Variants in AGBL1 observed in about 807,000 individuals in gnomAD.
The protein encoded by AGBL1 is AGBL carboxypeptidase 1, also known as cytosolic carboxypeptidase 4.
In AGBL1, 130 loss-of-function variants were observed where a neutral mutation model predicts 118.9. The observed-to-expected ratio is 1.09, with a 90% confidence interval of 0.95 to 1.26. AGBL1 has a LOEUF of 1.26. AGBL1 is among the 50% of genes most tolerant of loss of function. The pLI is 0.00. For synonymous variants in AGBL1, 555 were observed against 478.9 expected, an observed-to-expected ratio of 1.16 and a Z score of -2.08; for missense variants, 1,584 against 1,298.1, an observed-to-expected ratio of 1.22 and a Z score of -3.38.
In AGBL1 at chr15:86,615,875, G is replaced by C. The variant is rs1474304413; in HGVS notation, c.2995-58398G>C. On this transcript the variant is annotated intron_variant, in intron 21 of 22. Transcript: ENST00000614907. This position sits in a 1 kb window ranked among gnomAD's most constrained non-coding sequence, Gnocchi z 4.3. ...TTAATTAATAGGGATGACAGTGTTG[G>C]GGTTATACATACATTGATAGGGGGC... Among the ~76,000 whole-genome samples the C allele has an allele frequency of 6.6e-6, 1 of 151,982 alleles. No homozygotes were observed. Among genetic ancestry groups the C allele is most frequent in the Non-Finnish European group, 1.5e-5 (1 of 68,008 alleles).
chr15:86,963,153 A>C (rs530556992), intron 23 of AGBL1, among the ~76,000 whole-genome samples: 1 of 152,174 alleles, frequency 6.6e-6, no homozygotes, highest in East Asian at 1.9e-4. Flanking sequence ...ATTAGGAAAT[A>C]AGGAGAATGA....
chr15:86,180,747 G>A (rs967846403), intron 5 of AGBL1, among the ~76,000 whole-genome samples: 2 of 151,744 alleles, frequency 1.3e-5, no homozygotes, highest in African/African-American at 4.8e-5. Flanking sequence ...CTACACACTG[G>A]GAGACAATAT....
chr15:86,723,080 G>A (rs1416815605), intron 22 of AGBL1, among the ~76,000 whole-genome samples: 1 of 152,208 alleles, frequency 6.6e-6, no homozygotes. Context: ...TTCAACCATT[G>A]TGGAAGTCAG....
intron 23 of AGBL1, among the ~76,000 whole-genome samples, chr15:86,926,620 A>C (rs946787103): frequency 6.6e-6 from 1 of 152,256 alleles, no homozygotes; most frequent in African/African-American, 2.4e-5. Context: ...GACTGGATGG[A>C]GACTTAACAA....
At chr15:86,234,094 G>T (rs1276389659) in intron 6 of AGBL1, among the ~76,000 whole-genome samples, 2 of 152,146 alleles carry the variant, frequency 1.3e-5, no homozygotes, top group African/African-American at 4.8e-5. Context: ...ATCCTGTCAA[G>T]ACTTAGTTCT....
intron 21 of AGBL1, among the ~76,000 whole-genome samples, chr15:86,606,183 G>A (rs2084575386): frequency 6.7e-6 from 1 of 148,418 alleles, no homozygotes. Context: ...AAGTGTTCTA[G>A]TTATTGAATT....
Position 86,109,195 on chromosome 15 carries a change from A to G in AGBL1, c.51+29172A>G, listed in dbSNP as rs576240280. ...TGTAAAATACAGTACTACAATAATAATAACCAGGGGTAGATCTAGGTTCTG... is the reference window on the plus strand; with the variant it reads ...TGTAAAATACAGTACTACAATAATAGTAACCAGGGGTAGATCTAGGTTCTG... On this transcript the variant is annotated intron_variant, in intron 1 of 22. Transcript: ENST00000614907. Among the ~76,000 whole-genome samples the G allele has an allele frequency of 3.0e-4, 45 of 152,336 alleles. 1 individual carries two copies. The South Asian group carries it at 8.7e-3, about 29-fold the overall frequency.
intron 17 of AGBL1, among the ~76,000 whole-genome samples, chr15:86,396,045 A>G (rs930104790): frequency 6.6e-6 from 1 of 151,234 alleles, no homozygotes; most frequent in Non-Finnish European, 1.5e-5. Flanking sequence ...AGACTCATCC[A>G]TGTTGCTGAA....
intron 22 of AGBL1, among the ~76,000 whole-genome samples, chr15:86,757,316 G>GC (rs796776619): frequency 1.2e-4 from 18 of 152,202 alleles, no homozygotes; most frequent in African/African-American, 4.3e-4. Flanking sequence ...TCACAGCACT[G>GC]CTACAGGTAG....
intron 24 of AGBL1, among the ~76,000 whole-genome samples, chr15:87,012,841 G>A (rs1240546688): frequency 6.6e-6 from 1 of 152,016 alleles, no homozygotes; most frequent in African/African-American, 2.4e-5. Flanking sequence ...TCCTTACCTA[G>A]AGGGAGATGA....
chr15:86,670,628 A>ACACAC (rs59416251), intron 21 of AGBL1, among the ~76,000 whole-genome samples: 3 of 48,470 alleles, frequency 6.2e-5, no homozygotes, highest in Admixed American at 2.0e-4. Context: ...CACACACACA[A>ACACAC]ACACGCTGTG....
intron 15 of AGBL1, among the ~76,000 whole-genome samples, chr15:86,278,048 C>T (rs986618163): frequency 6.6e-5 from 10 of 152,208 alleles, no homozygotes; most frequent in Non-Finnish European, 4.4e-5. Flanking sequence ...AGAGGTAGAG[C>T]ATATGTAACT....
intron 18 of AGBL1, among the ~76,000 whole-genome samples, chr15:86,453,340 A>G (rs1255118428): frequency 6.6e-6 from 1 of 152,226 alleles, no homozygotes; most frequent in Non-Finnish European, 1.5e-5. Flanking sequence ...AGATACCTAA[A>G]TTAAATATAG....
intron 21 of AGBL1, among the ~76,000 whole-genome samples, chr15:86,587,005 G>A (rs953585494): frequency 1.3e-5 from 2 of 152,076 alleles, no homozygotes; most frequent in African/African-American, 4.8e-5. Context: ...AGGCATATGA[G>A]GAAGTAAAAA....
chr15:86,374,916 T>A (rs1168310981), intron 17 of AGBL1, among the ~76,000 whole-genome samples: 1 of 152,198 alleles, frequency 6.6e-6, no homozygotes, highest in Non-Finnish European at 1.5e-5. Context: ...TCATGAGCTG[T>A]CTTGAGGATA....
chr15:86,116,151 C>T (rs1162651489), intron 1 of AGBL1, among the ~76,000 whole-genome samples: 1 of 152,204 alleles, frequency 6.6e-6, no homozygotes, highest in Non-Finnish European at 1.5e-5. Context: ...ATTTAAAATT[C>T]ATCTCAACTC....
chr15:86,789,814 TGCCTGGGGCTA>T (rs1259623898), intron 22 of AGBL1, among the ~76,000 whole-genome samples: 2 of 152,162 alleles, frequency 1.3e-5, no homozygotes, highest in Admixed American at 1.3e-4. Flanking sequence ...ATCTCACCCT[TGCCTGGGGCTA>T]GCCCTGGTAA....
chr15:86,109,315 T>A (rs1223420379), intron 1 of AGBL1, among the ~76,000 whole-genome samples: 1 of 152,216 alleles, frequency 6.6e-6, no homozygotes, highest in African/African-American at 2.4e-5. Flanking sequence ...GATACTTATC[T>A]GGAATAAGAA....
chr15:86,788,397 C>T (rs1212596179), intron 22 of AGBL1, among the ~76,000 whole-genome samples: 1 of 152,150 alleles, frequency 6.6e-6, no homozygotes, highest in Non-Finnish European at 1.5e-5. Flanking sequence ...CAAGAGATTT[C>T]AGGATTGTTA....
Sources: allele counts gnomAD v4.1 joint callset (sites outside exome capture counted in the v4.1 genomes callset), GRCh38; gene constraint gnomAD v4.1.1; non-coding constraint Gnocchi (gnomAD v3.1); transcripts MANE v1.5; gene names NCBI Gene and HGNC (gene_info 2026-07-23, HGNC 2026-07-21).